MTHFD2: variants seen among roughly 807,000 people sequenced by gnomAD.
MTHFD2 encodes the protein bifunctional methylenetetrahydrofolate dehydrogenase/cyclohydrolase, mitochondrial.
Under a neutral mutation model 36.8 loss-of-function variants are expected in MTHFD2, and 26 were observed. The observed-to-expected ratio is 0.71, with a 90% CI of 0.52 to 0.98. The LOEUF is 0.98. Among genes scored for constraint, MTHFD2 ranks in the 50% least tolerant of loss-of-function variants. The probability of loss-of-function intolerance (pLI) is 0.00; values close to 1 mark genes in which losing one functional copy is unlikely to be tolerated. For missense variants in MTHFD2, 373 were observed against 434.0 expected (o/e 0.86, Z 1.25); for synonymous variants, 164 against 155.2 (o/e 1.06, Z -0.42).
At chr2:74,207,138 A>G (rs1413251184) in intron 2 of MTHFD2, among the ~76,000 whole-genome samples, 1 of 151,544 alleles carries the variant, frequency 6.6e-6, no homozygotes, top group East Asian at 2.0e-4. Flanking sequence ...TTATTTATTT[A>G]TTTATTTAGA....
chr2:74,210,074 A>G lies in MTHFD2; in HGVS notation c.670+25A>G, dbSNP rs777607823. 2.4e-5 allele frequency: 38 copies of G among 1,588,370 alleles called. No individual in the cohort carries two copies. The Middle Eastern group carries it at 5.0e-4, about 21-fold the overall frequency. ...GGTAAGGAAATTGCTTTCAGGGAAC[A>G]CTGTCCTTTTTTCCCCATGTAAGAA... On this transcript the variant is annotated intron_variant, in intron 5 of 7. Transcript: ENST00000394053.
chr2:74,207,231 C>G (rs907086503), intron 2 of MTHFD2, among the ~76,000 whole-genome samples: 13 of 151,090 alleles, frequency 8.6e-5, no homozygotes, highest in Admixed American at 7.2e-4. Flanking sequence ...CAGGTTCAAG[C>G]GATTCTCCTG....
In MTHFD2 at chr2:74,210,033, G is replaced by A. The variant is rs1384785942; in HGVS notation, c.654G>A (p.Ala218=). Residue 218 remains alanine, a synonymous_variant, in exon 5 of 8, where the codon GCG becomes GCA. Coordinates refer to ENST00000394053, the MANE Select transcript of MTHFD2 (RefSeq NM_006636.4). ...PIAMLLHTDG[A]HERPGGDATV... is the part of the protein sequence containing the mutation. ...CAATGTTACTGCACACAGATGGGGC[G>A]CATGAACGTCCCGGAGGTAAGGAAA... is the stretch of plus-strand genomic sequence containing the variant. 14 of 1,612,230 alleles carry A rather than the reference G, an allele frequency of 8.7e-6. No homozygotes were observed. The highest frequency in any genetic ancestry group is 1.1e-5 in the South Asian group (1 of 90,806).
rs1431051336 is a variant in MTHFD2 at position 74,217,161 on chromosome 2, A to G, written c.*2919A>G. 1 of 152,212 alleles carries G rather than the reference A, an allele frequency of 6.6e-6. No homozygotes were observed. Among genetic ancestry groups the G allele is most frequent in the African/African-American group, 2.4e-5 (1 of 41,452 alleles). The allele number at this position is 152,212 out of a possible 1,614,324, so 9.4% of individuals were successfully genotyped here. A position where few individuals can be genotyped will look rare whatever the true frequency, so the allele number is the denominator to read the frequency against. On this transcript the variant is annotated 3_prime_UTR_variant, in exon 8 of 8. Transcript: ENST00000394053. The stretch of plus-strand genomic sequence containing the variant: ...CTAGTGTCATTTTTCTTTAAAAAAG[A>G]AAGCACCTGCATTTGTCATCTTGAG...
chr2:74,211,522 T>C (rs1694303132), intron 6 of MTHFD2: 1 of 481,486 alleles, frequency 2.1e-6, no homozygotes, highest in Non-Finnish European at 3.5e-6. Context: ...TTTATATTAA[T>C]ATTTACTGTA....
In MTHFD2 at chr2:74,205,698, T is replaced by C. The variant is rs1438303686; in HGVS notation, c.102-7T>C. On this transcript the variant is annotated splice_region_variant and splice_polypyrimidine_tract_variant and intron_variant, in intron 1 of 7. Coordinates refer to ENST00000394053, the MANE Select transcript of MTHFD2 (RefSeq NM_006636.4). ...ATTTGGTTTTGTGACTCTGTTGCCT[T>C]CTGCAGAAATGAAGCTGTTGTCATT... 1.2e-6 allele frequency: 2 copies of C among 1,613,200 alleles called. No homozygotes were observed. The highest frequency in any genetic ancestry group is 2.7e-5 in the African/African-American group (2 of 74,806).
At chr2:74,198,763 G>A in intron 1 of MTHFD2, 21 bp downstream of exon 1, 1 of 1,585,640 alleles carries the variant, frequency 6.3e-7, no homozygotes, top group Non-Finnish European at 8.6e-7. Context: ...CACAGAGCTC[G>A]GTCAGCGCGG....
At chr2:74,209,669 A>G (rs1314806662) in intron 4 of MTHFD2, among the ~76,000 whole-genome samples, 3 of 151,756 alleles carry the variant, frequency 2.0e-5, no homozygotes, top group Non-Finnish European at 4.4e-5. Context: ...GCCTCAAGCA[A>G]TCCTCCCTCC....
chr2:74,208,743 A>C (rs768611657), intron 4 of MTHFD2, 22 bp downstream of exon 4: 1 of 1,611,180 alleles, frequency 6.2e-7, no homozygotes, highest in Non-Finnish European at 8.5e-7. Context: ...CCAGAATTGC[A>C]TGTCTGTGTT....
At chr2:74,205,012 G>A (rs1298300243) in intron 1 of MTHFD2, among the ~76,000 whole-genome samples, 2 of 152,096 alleles carry the variant, frequency 1.3e-5, no homozygotes, top group Admixed American at 1.3e-4. Context: ...TTTTAGTAGA[G>A]ACAGGGTTTC....
At position 74,205,814 on chromosome 2, in the gene MTHFD2, A is replaced by G. The variant is rs775922052; in HGVS notation, c.211A>G (p.Ser71Gly). The change falls in exon 2 of 8, where the codon AGT becomes GGT. Residue 71 changes from serine to glycine, a missense_variant. Ser to Gly is a moderately conservative substitution (Grantham distance 56). Coordinates refer to ENST00000394053, the MANE Select transcript of MTHFD2 (RefSeq NM_006636.4). ...VASGNKRPHL[S>G]VILVGENPAS... The stretch of plus-strand genomic sequence containing the variant: ...CTCAGGCAACAAACGGCCACACCTG[A>G]GTGTGATCCTGGTTGGCGAGAATCC... The G allele has an allele frequency of 6.2e-7, 1 of 1,613,632 alleles. No individual in the cohort carries two copies. Among genetic ancestry groups the G allele is most frequent in the Non-Finnish European group, 8.5e-7 (1 of 1,179,998 alleles).
chr2:74,213,619 G>A lies in MTHFD2; in HGVS notation c.890-460G>A, dbSNP rs117739871. ...CTGATAATCCTATTCCTAGCTTTCT[G>A]TTTTTATTAAAGCAGTCAAACCCAT... On this transcript the variant is annotated intron_variant, in intron 7 of 7. Transcript: ENST00000394053. Among the ~76,000 whole-genome samples, 78 of 152,072 alleles carry A rather than the reference G, an allele frequency of 5.1e-4. 1 individual carries two copies. The East Asian group carries it at 0.014, about 27-fold the overall frequency.
intron 2 of MTHFD2, among the ~76,000 whole-genome samples, chr2:74,207,123 CTTAT>C (rs572205742): frequency 3.3e-5 from 5 of 152,062 alleles, no homozygotes; most frequent in South Asian, 2.1e-4. Flanking sequence ...TATTAGCTCG[CTTAT>C]TTATTTATTT....
chr2:74,213,963 G>T, intron 7 of MTHFD2, 116 bp from the exon 8 acceptor site: 8 of 1,116,080 alleles, frequency 7.2e-6, no homozygotes, highest in Non-Finnish European at 5.1e-6. Flanking sequence ...TGTGATTTTT[G>T]AGTTTTATGC....
At chr2:74,212,074 C>T (rs775485705) in intron 7 of MTHFD2, among the ~76,000 whole-genome samples, 1 of 149,064 alleles carries the variant, frequency 6.7e-6, no homozygotes, top group Non-Finnish European at 1.5e-5. Context: ...CTCAGCCTCC[C>T]GAGTAGCTGG....
At chr2:74,201,943 G>A (rs953429190) in intron 1 of MTHFD2, among the ~76,000 whole-genome samples, 2 of 150,288 alleles carry the variant, frequency 1.3e-5, no homozygotes, top group Non-Finnish European at 3.0e-5. Context: ...CTCTTTGACT[G>A]TTTTTCTTTC....
intron 7 of MTHFD2, among the ~76,000 whole-genome samples, chr2:74,212,198 CCCTT>C (rs769818364): frequency 3.3e-4 from 48 of 145,176 alleles, no homozygotes; most frequent in Non-Finnish European, 6.5e-4. Context: ...CCATCTCTCT[CCCTT>C]CCTTCCTTCC....
rs1175656499 is a variant in MTHFD2 at position 74,215,448 on chromosome 2, T to TG, written c.*1210dup. 6.9e-6 allele frequency: 1 copy of TG among 145,930 alleles called. No homozygotes were observed. The highest frequency in any genetic ancestry group is 2.0e-4 in the East Asian group (1 of 5,088). 9.0% of individuals were successfully genotyped at this position (145,930 alleles called of 1,614,324 possible). A position where few individuals can be genotyped will look rare whatever the true frequency, so the allele number is the denominator to read the frequency against. On this transcript the variant is annotated 3_prime_UTR_variant, in exon 8 of 8. Coordinates refer to ENST00000394053, the MANE Select transcript of MTHFD2 (RefSeq NM_006636.4). ...ATTTTTTTTTTTTTTTTTGTAGAGA[T>TG]GGGGTCTTGCTATGTTGCCTGGGCT... is the stretch of plus-strand genomic sequence containing the variant.
At chr2:74,201,988 C>G (rs1372050312) in intron 1 of MTHFD2, among the ~76,000 whole-genome samples, 1 of 150,842 alleles carries the variant, frequency 6.6e-6, no homozygotes, top group Non-Finnish European at 1.5e-5. Context: ...ATTGGCATAA[C>G]ATCCAGAACC....
Sources: allele counts gnomAD v4.1 joint callset (sites outside exome capture counted in the v4.1 genomes callset), GRCh38; gene constraint gnomAD v4.1.1; transcripts MANE v1.5; gene names NCBI Gene and HGNC (gene_info 2026-07-23, HGNC 2026-07-21).